Variants in CNTN3 observed in about 807,000 individuals in gnomAD.
CNTN3 encodes contactin-3.
CNTN3 carries 60 observed loss-of-function variants against 119.1 expected under a neutral mutation model. The observed-to-expected ratio is 0.50, with a 90% confidence interval of 0.41 to 0.62. The LOEUF (loss-of-function observed/expected upper bound fraction) is 0.62, where lower values mean the gene tolerates loss of function less well. Ranked by LOEUF, CNTN3 falls within the 20% of genes least tolerant of loss-of-function variation. CNTN3 has a pLI of 0.00. For missense variants in CNTN3, 1,101 were observed against 1,242.4 expected, an observed-to-expected ratio of 0.89 and a Z score of 1.71; for synonymous variants, 450 against 438.7, an observed-to-expected ratio of 1.03 and a Z score of -0.32.
At chr3:74,444,302 T>A (rs1332850886) in intron 4 of CNTN3, among the ~76,000 whole-genome samples, 1 of 151,980 alleles carries the variant, frequency 6.6e-6, no homozygotes, top group African/African-American at 2.4e-5. Context: ...GGGGGCACAA[T>A]TCAACTCATA....
chr3:74,327,436 C>G (rs1553645111), intron 13 of CNTN3, among the ~76,000 whole-genome samples: 1 of 152,066 alleles, frequency 6.6e-6, no homozygotes, highest in Non-Finnish European at 1.5e-5. Flanking sequence ...AAGGGTTAAT[C>G]TTTGAATATA....
intron 13 of CNTN3, among the ~76,000 whole-genome samples, chr3:74,333,414 C>T (rs938891346): frequency 6.6e-6 from 1 of 152,190 alleles, no homozygotes; most frequent in African/African-American, 2.4e-5. Context: ...TCTTCCTTGC[C>T]TCTTCCAGCT....
At chr3:74,379,929 C>G (rs1287553640) in intron 5 of CNTN3, among the ~76,000 whole-genome samples, 1 of 152,180 alleles carries the variant, frequency 6.6e-6, no homozygotes, top group Non-Finnish European at 1.5e-5. Flanking sequence ...ATAGTGAGAG[C>G]TGGATAGAGT....
At chr3:74,552,670 C>G (rs1199560840) in intron 1 of CNTN3, among the ~76,000 whole-genome samples, 2 of 152,168 alleles carry the variant, frequency 1.3e-5, no homozygotes, top group Admixed American at 1.3e-4. Flanking sequence ...GTAATCCCCA[C>G]GTGTCAAGGA....
intron 2 of CNTN3, among the ~76,000 whole-genome samples, chr3:74,504,777 CTT>C (rs35510076): frequency 0.5 from 75,543 of 151,642 alleles, 20,036 homozygotes; most frequent in Middle Eastern, 0.62. Context: ...TTCCACAACT[CTT>C]TGTCATTCTC....
intron 5 of CNTN3, among the ~76,000 whole-genome samples, chr3:74,422,841 T>C (rs1471680096): frequency 6.6e-6 from 1 of 152,220 alleles, no homozygotes; most frequent in Non-Finnish European, 1.5e-5. Context: ...TCCCTCTTTT[T>C]ACTCATAATA....
Position 74,508,806 on chromosome 3 carries a change from C to T in CNTN3, c.56-9021G>A, listed in dbSNP as rs140449551. Among the ~76,000 whole-genome samples the T allele has an allele frequency of 2.6e-3, 389 of 152,262 alleles. 3 individuals are homozygous for T. Among genetic ancestry groups the T allele is most frequent in the African/African-American group, 8.9e-3 (369 of 41,548 alleles). ...ATTTGATAAGCTTTGGTCTAGAAAC[C>T]TTCTCTCCTGCCACCAGTGCCCCAG... is the stretch of plus-strand genomic sequence containing the variant. On this transcript the variant is annotated intron_variant, in intron 2 of 22. Transcript: ENST00000263665.
Position 74,609,689 on chromosome 3 carries a change from C to T in CNTN3, c.-81+4702G>A, listed in dbSNP as rs115082501. 3.3e-5 allele frequency among the ~76,000 whole-genome samples: 5 copies of T among 152,264 alleles called. No individual in the cohort carries two copies. The East Asian group carries it at 9.7e-4, about 29-fold the overall frequency. On this transcript the variant is annotated intron_variant, in intron 1 of 22. Coordinates refer to ENST00000263665, the MANE Select transcript of CNTN3 (RefSeq NM_020872.3). ...CTGCAGACTTCTGCTGAATACGGAC[C>T]TTCTTGACAGGATCTTTGGTTACAT...
intron 2 of CNTN3, among the ~76,000 whole-genome samples, chr3:74,509,335 A>T (rs1045823811): frequency 1.5e-5 from 2 of 129,882 alleles, no homozygotes; most frequent in African/African-American, 2.9e-5. Flanking sequence ...TTTTTTTGAC[A>T]TGGGGTCTCG....
chr3:74,558,736 C>T (rs1003852637), intron 1 of CNTN3, among the ~76,000 whole-genome samples: 2 of 152,040 alleles, frequency 1.3e-5, no homozygotes, highest in Non-Finnish European at 2.9e-5. Flanking sequence ...AATCCCAGCA[C>T]TTTGGGAGGC....
intron 4 of CNTN3, among the ~76,000 whole-genome samples, chr3:74,432,267 T>G (rs2106911724): frequency 6.6e-6 from 1 of 152,118 alleles, no homozygotes; most frequent in South Asian, 2.1e-4. Context: ...TCAGTTATGG[T>G]TTTCACCCTT....
intron 11 of CNTN3, among the ~76,000 whole-genome samples, chr3:74,360,058 T>G (rs1468362906): frequency 6.6e-6 from 1 of 152,198 alleles, no homozygotes; most frequent in African/African-American, 2.4e-5. Flanking sequence ...AATTTTATCT[T>G]GTCATCCTGC....
At chr3:74,328,935 G>C (rs192438789) in intron 13 of CNTN3, among the ~76,000 whole-genome samples, 4 of 152,190 alleles carry the variant, frequency 2.6e-5, no homozygotes, top group Admixed American at 2.6e-4. Flanking sequence ...CTTTGAATTT[G>C]GACAAGATAC....
chr3:74,267,574 T>A (rs112248341), intron 20 of CNTN3, 196 bp from the exon 21 acceptor site: 2 of 509,290 alleles, frequency 3.9e-6, no homozygotes, highest in Admixed American at 6.5e-5. Context: ...ATTTCATTCA[T>A]ACACCAAACC....
At chr3:74,388,675 C>T (rs1704818063) in intron 5 of CNTN3, among the ~76,000 whole-genome samples, 1 of 152,034 alleles carries the variant, frequency 6.6e-6, no homozygotes, top group African/African-American at 2.4e-5. Context: ...ATACCCTACC[C>T]TTTTTTCTTC....
chr3:74,302,587 T>C, intron 14 of CNTN3, 103 bp downstream of exon 14: 2 of 696,274 alleles, frequency 2.9e-6, no homozygotes, highest in South Asian at 1.9e-5. Context: ...AAATCAATAT[T>C]ATAACTCGTA....
At chr3:74,436,510 A>T (rs910983661) in intron 4 of CNTN3, among the ~76,000 whole-genome samples, 3 of 152,210 alleles carry the variant, frequency 2.0e-5, no homozygotes, top group Non-Finnish European at 2.9e-5. Context: ...TTCTGCTTTC[A>T]TCATTTCAAT....
chr3:74,527,925 T>G (rs757597724), intron 1 of CNTN3, among the ~76,000 whole-genome samples: 2 of 151,932 alleles, frequency 1.3e-5, no homozygotes, highest in Non-Finnish European at 2.9e-5. Flanking sequence ...AACAGCACTG[T>G]CTAATGCTTT....
chr3:74,486,631 T>C lies in CNTN3; in HGVS notation c.183A>G (p.Arg61=). Residue 61 remains arginine (R), a splice_region_variant and synonymous_variant, in exon 4 of 23, where the codon AGA becomes AGG. Transcript: ENST00000263665. ...EARGNPSPHY[R]WQLNGSDIDM... ...CAATATCACTTCCATTCAGCTGCCA[T>C]CTGTAAAACAAATATCAAGGTTCCC... is the stretch of plus-strand genomic sequence containing the variant. The C allele has an allele frequency of 1.3e-6, 2 of 1,530,494 alleles. No individual in the cohort carries two copies. Among genetic ancestry groups the C allele is most frequent in the Non-Finnish European group, 1.7e-6 (2 of 1,145,490 alleles). 94.8% of individuals were successfully genotyped at this position (1,530,494 alleles called of 1,614,324 possible).
Sources: gnomAD v4.1 joint callset for allele counts (sites outside exome capture counted in the v4.1 genomes callset) on GRCh38, gnomAD v4.1.1 for gene constraint, MANE v1.5 for transcripts, NCBI Gene and HGNC (gene_info 2026-07-23, HGNC 2026-07-21) for gene names.